ENAH: variants seen among roughly 807,000 people sequenced by gnomAD.
ENAH encodes the protein ENAH actin regulator.
A neutral mutation model predicts 78.7 loss-of-function variants in ENAH; 23 were observed. The observed-to-expected ratio is 0.29, with a 90% CI of 0.21 to 0.41. ENAH has a LOEUF of 0.41. ENAH is among the 10% of genes least tolerant of loss of function. The pLI is 1.00. For synonymous variants in ENAH, 226 were observed against 241.0 expected, an observed-to-expected ratio of 0.94 and a Z score of 0.58; for missense variants, 544 against 691.0, an observed-to-expected ratio of 0.79 and a Z score of 2.39.
chr1:225,629,526 G>A (rs973274189), intron 1 of ENAH, among the ~76,000 whole-genome samples: 1 of 151,630 alleles, frequency 6.6e-6, no homozygotes, highest in Non-Finnish European at 1.5e-5. Flanking sequence ...AGCGGAGGTT[G>A]CAGTGAGCCG....
intron 1 of ENAH, among the ~76,000 whole-genome samples, chr1:225,644,604 T>C (rs925165621): frequency 1.3e-5 from 2 of 152,190 alleles, no homozygotes; most frequent in East Asian, 3.8e-4. Context: ...TCAAGAGCTA[T>C]TCATTTTATT....
At chr1:225,558,064 T>C (rs2151443245) in intron 2 of ENAH, among the ~76,000 whole-genome samples, 1 of 152,306 alleles carries the variant, frequency 6.6e-6, no homozygotes. Flanking sequence ...ATAAACAATC[T>C]TGGTCCTCAT....
intron 1 of ENAH, among the ~76,000 whole-genome samples, chr1:225,630,508 C>CA (rs1658820474): frequency 1.3e-5 from 2 of 152,102 alleles, no homozygotes; most frequent in South Asian, 4.1e-4. Flanking sequence ...AAATGGGATG[C>CA]AAAAGGTTGT....
intron 1 of ENAH, among the ~76,000 whole-genome samples, chr1:225,633,043 T>C (rs1659392151): frequency 6.6e-6 from 1 of 151,582 alleles, no homozygotes; most frequent in Non-Finnish European, 1.5e-5. Flanking sequence ...CAAAGTCTTT[T>C]TTTTTTTTTT....
rs71170093 is a variant in ENAH at position 225,564,454 on chromosome 1, A to ATT, written c.171+2793_171+2794dup. Among the ~76,000 whole-genome samples the ATT allele has an allele frequency of 2.9e-3, 359 of 122,378 alleles. 3 individuals carry two copies. The highest frequency in any genetic ancestry group is 0.025 in the East Asian group (104 of 4,236). 80.3% of individuals were successfully genotyped at this position (122,378 alleles called of 152,430 possible). A position where few individuals can be genotyped will look rare whatever the true frequency, so the allele number is the denominator to read the frequency against. ...CAGGCATGCACCACCATGCCCGACT[A>ATT]TTTTTTTTTTTTTTTTTTTTAGTAG... On this transcript the variant is annotated intron_variant, in intron 2 of 13. Transcript: ENST00000366843.
intron 3 of ENAH, among the ~76,000 whole-genome samples, chr1:225,532,997 G>GGT (rs143418352): frequency 0.026 from 4,013 of 151,560 alleles, 62 homozygotes; most frequent in Non-Finnish European, 0.042. Flanking sequence ...CTTTAAATTG[G>GGT]GTGTGTGTGT....
intron 7 of ENAH, 72 bp downstream of exon 7, chr1:225,514,524 C>T (rs2096402088): frequency 5.3e-6 from 6 of 1,139,610 alleles, no homozygotes; most frequent in African/African-American, 4.7e-5. Context: ...AATTAGAATA[C>T]AATAAATTCA....
At chr1:225,571,158 C>G (rs1384507234) in intron 1 of ENAH, among the ~76,000 whole-genome samples, 2 of 151,546 alleles carry the variant, frequency 1.3e-5, no homozygotes, top group Admixed American at 1.3e-4. Flanking sequence ...GCAGGCAGAT[C>G]ATTTGAGGTC....
intron 1 of ENAH, among the ~76,000 whole-genome samples, chr1:225,649,412 AT>A (rs1302017549): frequency 2.0e-5 from 3 of 151,878 alleles, no homozygotes; most frequent in African/African-American, 4.8e-5. Context: ...AAAAAAAAAA[AT>A]CTTAAGTAAC....
rs565272350 is a variant in ENAH, at chr1:225,617,206, G to C, written c.5+35480C>G. Among the ~76,000 whole-genome samples the C allele has an allele frequency of 3.9e-5, 6 of 152,280 alleles. No individual in the cohort carries two copies. The South Asian group carries it at 1.2e-3, about 32-fold the overall frequency. On this transcript the variant is annotated intron_variant, in intron 1 of 13. Coordinates refer to ENST00000366843, the MANE Select transcript of ENAH (RefSeq NM_018212.6). ...GAAAAAGAAAAGGACATTTCCATCT[G>C]TCTTCCTTATAGTTAGTTGAAATAT...
intron 11 of ENAH, among the ~76,000 whole-genome samples, chr1:225,502,459 T>C (rs1361409774): frequency 6.6e-6 from 1 of 152,126 alleles, no homozygotes; most frequent in Admixed American, 6.5e-5. Flanking sequence ...ATTTGCCCAC[T>C]TCAGCCTCCC....
chr1:225,574,358 T>A (rs2096777344), intron 1 of ENAH, among the ~76,000 whole-genome samples: 1 of 152,030 alleles, frequency 6.6e-6, no homozygotes, highest in Admixed American at 6.6e-5. Context: ...CCCAGCACAT[T>A]GAGAGGCTGA....
At chr1:225,538,532 A>C (rs1488433319) in intron 3 of ENAH, among the ~76,000 whole-genome samples, 2 of 151,890 alleles carry the variant, frequency 1.3e-5, no homozygotes, top group Non-Finnish European at 2.9e-5. Flanking sequence ...ACACATGAAA[A>C]TGTACCATCA....
intron 1 of ENAH, among the ~76,000 whole-genome samples, chr1:225,574,991 A>G (rs1170971277): frequency 6.6e-6 from 1 of 152,154 alleles, no homozygotes; most frequent in East Asian, 1.9e-4. Context: ...CTCAAATAGG[A>G]AAGTGAACAA....
At chr1:225,554,163 T>C (rs928755136) in intron 3 of ENAH, among the ~76,000 whole-genome samples, 6 of 152,162 alleles carry the variant, frequency 3.9e-5, no homozygotes, top group Admixed American at 2.6e-4. Context: ...ATATACAATA[T>C]AGGCAAGAGT....
chr1:225,619,080 T>C (rs958246404), intron 1 of ENAH, among the ~76,000 whole-genome samples: 4 of 152,114 alleles, frequency 2.6e-5, no homozygotes, highest in African/African-American at 9.7e-5. Context: ...ATACACTGCA[T>C]ATACAACCCA....
chr1:225,549,169 G>T (rs920983770), intron 3 of ENAH, among the ~76,000 whole-genome samples: 1 of 151,926 alleles, frequency 6.6e-6, no homozygotes, highest in Non-Finnish European at 1.5e-5. Flanking sequence ...GGTTTTATAG[G>T]GTTCAAAATG....
chr1:225,568,588 ACTG>A (rs1297017696), intron 1 of ENAH, among the ~76,000 whole-genome samples: 2 of 152,198 alleles, frequency 1.3e-5, no homozygotes, highest in African/African-American at 4.8e-5. Flanking sequence ...TCACAAAAGC[ACTG>A]CTTATTCTAT....
At chr1:225,576,275 C>CAA (rs35531080) in intron 1 of ENAH, among the ~76,000 whole-genome samples, 9,183 of 82,280 alleles carry the variant, frequency 0.11, 424 homozygotes, top group Admixed American at 0.2. Context: ...GACTCTGTCT[C>CAA]AAAAAAAAAA....
Sources: gnomAD v4.1 joint callset for allele counts (sites outside exome capture counted in the v4.1 genomes callset) on GRCh38, gnomAD v4.1.1 for gene constraint, MANE v1.5 for transcripts, NCBI Gene and HGNC (gene_info 2026-07-23, HGNC 2026-07-21) for gene names.